AGTRAP: variants seen among roughly 807,000 people sequenced by gnomAD.
AGTRAP encodes type-1 angiotensin II receptor-associated protein.
In AGTRAP, 7 loss-of-function variants were observed where a neutral mutation model predicts 15.2. The ratio of observed to expected loss-of-function variants is 0.46; its 90% confidence interval spans 0.26 to 0.87. The LOEUF (loss-of-function observed/expected upper bound fraction) is 0.87, where lower values mean the gene tolerates loss of function less well. AGTRAP is among the 40% of genes least tolerant of loss of function. AGTRAP has a pLI of 0.15. For synonymous variants in AGTRAP, 74 were observed against 89.6 expected (o/e 0.83, Z 0.98); for missense variants, 187 against 213.4 (o/e 0.88, Z 0.77).
chr1:11,749,732 A>C (rs1642266732), intron 4 of AGTRAP, among the ~76,000 whole-genome samples: 1 of 152,160 alleles, frequency 6.6e-6, no homozygotes, highest in African/African-American at 2.4e-5. Flanking sequence ...CCCATGGCAC[A>C]GGGGCCAGGA....
intron 1 of AGTRAP, among the ~76,000 whole-genome samples, chr1:11,741,401 T>C (rs914389491): frequency 4.6e-5 from 7 of 152,224 alleles, no homozygotes; most frequent in African/African-American, 1.7e-4. Flanking sequence ...AGGTCAGTAC[T>C]GAGAGCGCAG....
intron 1 of AGTRAP, among the ~76,000 whole-genome samples, chr1:11,740,215 A>G (rs1420074424): frequency 6.6e-6 from 1 of 152,160 alleles, no homozygotes; most frequent in African/African-American, 2.4e-5. Context: ...GGGCCAAAAG[A>G]CAGTGGTTTT....
intron 4 of AGTRAP, among the ~76,000 whole-genome samples, chr1:11,748,836 C>T (rs370899458): frequency 9.1e-4 from 138 of 152,342 alleles, no homozygotes; most frequent in African/African-American, 3.1e-3. Flanking sequence ...TGACCTTCTT[C>T]TGCTGTGAAG....
At chr1:11,749,386 T>G (rs2100781706) in intron 4 of AGTRAP, among the ~76,000 whole-genome samples, 2 of 152,352 alleles carry the variant, frequency 1.3e-5, no homozygotes, top group African/African-American at 4.8e-5. Context: ...GGCCTGGGGC[T>G]GCCCACAGTG....
In AGTRAP at chr1:11,743,560, C is replaced by T. The variant is rs112583266; in HGVS notation, c.28-2243C>T. Among the ~76,000 whole-genome samples the T allele has an allele frequency of 7.5e-3, 1,011 of 135,324 alleles. 20 individuals are homozygous for T. The highest frequency in any genetic ancestry group is 0.024 in the African/African-American group (911 of 38,268). 88.8% of individuals were successfully genotyped at this position (135,324 alleles called of 152,430 possible). ...CGCGCCCAGCCCATCTGCCCTTTTT[C>T]TTTCTTTCCTTTTTTTTTTTTTTGA... On this transcript the variant is annotated intron_variant, in intron 1 of 4. Coordinates refer to ENST00000314340, the MANE Select transcript of AGTRAP (RefSeq NM_020350.5).
At position 11,748,526 on chromosome 1, in the gene AGTRAP, C is replaced by T; in HGVS notation, c.280C>T (p.Leu94Phe). Residue 94 changes from leucine to phenylalanine, a missense_variant, in exon 4 of 5, where the codon CTC becomes TTC. Transcript: ENST00000314340. ...TGRFGVGMAI[L>F]SLLLKPLSCC... ...CCGCTTTGGCGTGGGCATGGCCATC[C>T]TCAGCTTGCTGCTCAAGCCGCTCTC... 6.2e-7 allele frequency: 1 copy of T among 1,612,408 alleles called. No individual in the cohort carries two copies. Among genetic ancestry groups the T allele is most frequent in the Non-Finnish European group, 8.5e-7 (1 of 1,180,018 alleles).
chr1:11,747,449 T>C lies in AGTRAP; in HGVS notation c.72T>C (p.Ile24=). The part of the protein sequence containing the change: ...GHWLLTTWGC[I]VFSGSYAWAN... ...CTACCTCTTCCTACAGGGGCTGCATTGTATTCTCAGGCTCCTATGCCTGGG... is the reference window on the plus strand; with the variant it reads ...CTACCTCTTCCTACAGGGGCTGCATCGTATTCTCAGGCTCCTATGCCTGGG... Residue 24 remains isoleucine (I), a synonymous_variant, in exon 3 of 5, where the codon ATT becomes ATC. Transcript: ENST00000314340. 1 of 1,614,088 alleles carries C rather than the reference T, an allele frequency of 6.2e-7. No individual in the cohort carries two copies. The highest frequency in any genetic ancestry group is 8.5e-7 in the Non-Finnish European group (1 of 1,179,932).
At chr1:11,743,444 C>G (rs1204672644) in intron 1 of AGTRAP, among the ~76,000 whole-genome samples, 1 of 151,930 alleles carries the variant, frequency 6.6e-6, no homozygotes, top group Non-Finnish European at 1.5e-5. Flanking sequence ...CAGGGTTTCG[C>G]CATGTTAGCC....
chr1:11,737,262 G>A (rs1462042237), intron 1 of AGTRAP, among the ~76,000 whole-genome samples: 2 of 152,208 alleles, frequency 1.3e-5, no homozygotes, highest in Admixed American at 6.5e-5. Flanking sequence ...AAAGGTGGTG[G>A]GGAGACATGG....
intron 3 of AGTRAP, 85 bp downstream of exon 3, chr1:11,747,630 C>T (rs1185233352): frequency 5.1e-6 from 7 of 1,359,488 alleles, no homozygotes; most frequent in Non-Finnish European, 7.3e-6. Context: ...CCCGTCCCAT[C>T]CCAATCTTCC....
At chr1:11,740,527 C>G (rs773976308) in intron 1 of AGTRAP, among the ~76,000 whole-genome samples, 77 of 152,324 alleles carry the variant, frequency 5.1e-4, no homozygotes, top group Non-Finnish European at 8.2e-4. Context: ...GTTTTCTTCC[C>G]TAACAGAGAT....
intron 3 of AGTRAP, among the ~76,000 whole-genome samples, 158 bp downstream of exon 3, chr1:11,747,703 G>A (rs1244865389): frequency 2.6e-5 from 4 of 152,190 alleles, no homozygotes; most frequent in East Asian, 1.9e-4. Flanking sequence ...CCTGGGCTCC[G>A]GCCCATGCCT....
chr1:11,747,198 G>T lies in AGTRAP; in HGVS notation c.63-242G>T, dbSNP rs59176666. On this transcript the variant is annotated intron_variant, in intron 2 of 4. Transcript: ENST00000314340. ...TAGAGAACAGAGTGGCAGTCAGGAC[G>T]CTGGCACAGGGTGGCTGCGGCTGTC... Among the ~76,000 whole-genome samples, 870 of 152,290 alleles carry T rather than the reference G, an allele frequency of 5.7e-3. 23 individuals carry two copies. Among genetic ancestry groups the T allele is most frequent in the East Asian group, 0.047 (241 of 5,178 alleles).
At chr1:11,746,030 G>A in intron 2 of AGTRAP, 193 bp downstream of exon 2, 3 of 1,360,818 alleles carry the variant, frequency 2.2e-6, no homozygotes, top group South Asian at 2.4e-5. Flanking sequence ...AGGGAGACGT[G>A]GAAGTGCTCA....
intron 2 of AGTRAP, chr1:11,746,042 C>G: frequency 7.0e-7 from 1 of 1,424,780 alleles, no homozygotes; most frequent in East Asian, 2.3e-5. Context: ...AAGTGCTCAT[C>G]AGAGCTCCCC....
intron 2 of AGTRAP, among the ~76,000 whole-genome samples, chr1:11,746,903 AC>A (rs1326326356): frequency 6.6e-6 from 1 of 152,196 alleles, no homozygotes; most frequent in Non-Finnish European, 1.5e-5. Context: ...ACGAACTTGT[AC>A]TTAGCACCGG....
At position 11,738,922 on chromosome 1, in the gene AGTRAP, T is replaced by C. The variant is rs536516101; in HGVS notation, c.27+2687T>C. Among the ~76,000 whole-genome samples the C allele has an allele frequency of 2.2e-4, 34 of 152,288 alleles. No homozygotes were observed. The South Asian group carries it at 4.1e-3, about 19-fold the overall frequency. On this transcript the variant is annotated intron_variant, in intron 1 of 4. Transcript: ENST00000314340. ...ATTTCTGGGAAGTCCTACCCCGCCA[T>C]GGGTCCTCTAGTGGCAAACAAAGGG... is the stretch of plus-strand genomic sequence containing the variant.
At chr1:11,743,748 T>G (rs1020589440) in intron 1 of AGTRAP, among the ~76,000 whole-genome samples, 3 of 151,926 alleles carry the variant, frequency 2.0e-5, no homozygotes, top group Non-Finnish European at 4.4e-5. Flanking sequence ...GTATTTTTAG[T>G]AGAAACGGGG....
At position 11,750,640 on chromosome 1, in the gene AGTRAP, T is replaced by G; in HGVS notation, c.*448T>G. 1 of 322,558 alleles carries G rather than the reference T, an allele frequency of 3.1e-6. No homozygotes were observed. Among genetic ancestry groups the G allele is most frequent in the Non-Finnish European group, 5.8e-6 (1 of 171,588 alleles). 20.0% of individuals were successfully genotyped at this position (322,558 alleles called of 1,614,324 possible). ...TGGCATGGGAGTGAGGCCCCGTCCT[T>G]CTCACTGCCTGGTCACATGGTGCCT... On this transcript the variant is annotated 3_prime_UTR_variant, in exon 5 of 5. Coordinates refer to ENST00000314340, the MANE Select transcript of AGTRAP (RefSeq NM_020350.5).
Sources: gnomAD v4.1 joint callset for allele counts (sites outside exome capture counted in the v4.1 genomes callset) on GRCh38, gnomAD v4.1.1 for gene constraint, MANE v1.5 for transcripts, NCBI Gene and HGNC (gene_info 2026-07-23, HGNC 2026-07-21) for gene names.